Variants in SCHIP1 observed in about 807,000 individuals in gnomAD.
SCHIP1 encodes schwannomin interacting protein 1.
SCHIP1 carries 8 observed loss-of-function variants against 29.7 expected under a neutral mutation model. The observed-to-expected ratio is 0.27, with a 90% CI of 0.16 to 0.49. SCHIP1 has a LOEUF of 0.49. Ranked by LOEUF, SCHIP1 falls within the 20% of genes least tolerant of loss-of-function variation. The pLI, the probability that SCHIP1 is intolerant of heterozygous loss-of-function variation, is 0.99. For synonymous variants in SCHIP1, 76 were observed against 94.9 expected, an observed-to-expected ratio of 0.80 and a Z score of 1.16; for missense variants, 193 against 294.6, an observed-to-expected ratio of 0.66 and a Z score of 2.52.
the SCHIP1 span, among the ~76,000 whole-genome samples, chr3:159,426,260 G>C: frequency 3.3e-5 from 5 of 151,882 alleles, no homozygotes; most frequent in Non-Finnish European, 7.4e-5. Context: ...TTTTTTGAAA[G>C]GATCAACAAA....
At chr3:159,479,918 G>A in the SCHIP1 span, among the ~76,000 whole-genome samples, 1 of 152,194 alleles carries the variant, frequency 6.6e-6, no homozygotes, top group African/African-American at 2.4e-5. Context: ...CAGTAATGAA[G>A]ACGTTATTTC....
the SCHIP1 span, among the ~76,000 whole-genome samples, chr3:159,586,894 G>A: frequency 1.3e-5 from 2 of 152,170 alleles, no homozygotes. Context: ...TGGCAATTAG[G>A]AAATTTACTT....
chr3:159,414,023 A>G, the SCHIP1 span, among the ~76,000 whole-genome samples: 1 of 152,258 alleles, frequency 6.6e-6, no homozygotes, highest in Non-Finnish European at 1.5e-5. Flanking sequence ...CTGAAGAGCA[A>G]TCTTGGTCAG....
At chr3:159,771,794 A>G in the SCHIP1 span, among the ~76,000 whole-genome samples, 2 of 152,046 alleles carry the variant, frequency 1.3e-5, no homozygotes, top group African/African-American at 4.8e-5. Flanking sequence ...ATGTGTATAT[A>G]CAATTAAGTT....
chr3:159,758,049 C>T, the SCHIP1 span, among the ~76,000 whole-genome samples: 1 of 152,218 alleles, frequency 6.6e-6, no homozygotes, highest in Non-Finnish European at 1.5e-5. Flanking sequence ...TTCCCTGACC[C>T]TTGCAGTTGT....
the SCHIP1 span, among the ~76,000 whole-genome samples, chr3:159,806,812 T>C: frequency 2.2e-4 from 33 of 152,264 alleles, 1 homozygote; most frequent in African/African-American, 7.7e-4. Flanking sequence ...TCTTTTCCCC[T>C]TTTCACAGAG....
the SCHIP1 span, chr3:159,375,957 CT>C: frequency 6.4e-6 from 1 of 156,286 alleles, no homozygotes; most frequent in Non-Finnish European, 1.4e-5. Context: ...TGGAATGAAC[CT>C]TCTCCAAAAC....
the SCHIP1 span, among the ~76,000 whole-genome samples, chr3:159,695,348 C>T: frequency 6.6e-6 from 1 of 152,214 alleles, no homozygotes; most frequent in Non-Finnish European, 1.5e-5. Flanking sequence ...AGATCCTACC[C>T]TATGATTGAC....
chr3:159,889,035 T>A (rs1717231160), intron 5 of SCHIP1, 92 bp downstream of exon 6: 2 of 1,463,218 alleles, frequency 1.4e-6, no homozygotes, highest in Non-Finnish European at 1.8e-6. Context: ...CATACAACAT[T>A]TCATTGGGTT....
the SCHIP1 span, among the ~76,000 whole-genome samples, chr3:159,385,575 CAAAA>C: frequency 1.5e-5 from 2 of 133,150 alleles, no homozygotes; most frequent in African/African-American, 5.6e-5. Flanking sequence ...AACAAACAAA[CAAAA>C]AAAAAAAAAC....
At chr3:159,708,647 A>C in the SCHIP1 span, among the ~76,000 whole-genome samples, 4,453 of 152,314 alleles carry the variant, frequency 0.029, 101 homozygotes, top group East Asian at 0.061. Flanking sequence ...AGGTTTTATG[A>C]AACCTTCACA....
At chr3:159,346,068 C>A in the SCHIP1 span, among the ~76,000 whole-genome samples, 1 of 151,862 alleles carries the variant, frequency 6.6e-6, no homozygotes, top group East Asian at 1.9e-4. Flanking sequence ...GTGGCATGCA[C>A]CTGTAGTCCC....
At chr3:159,671,880 C>G in the SCHIP1 span, among the ~76,000 whole-genome samples, 1 of 152,098 alleles carries the variant, frequency 6.6e-6, no homozygotes, top group Non-Finnish European at 1.5e-5. Flanking sequence ...TGAATGAATC[C>G]CATTTTCCCA....
chr3:159,324,364 C>T, the SCHIP1 span, among the ~76,000 whole-genome samples: 1 of 152,208 alleles, frequency 6.6e-6, no homozygotes, highest in African/African-American at 2.4e-5. Flanking sequence ...AATTCCCATA[C>T]TCTTCTGGGG....
chr3:159,726,574 A>C, the SCHIP1 span, among the ~76,000 whole-genome samples: 4 of 152,180 alleles, frequency 2.6e-5, no homozygotes, highest in African/African-American at 9.7e-5. Flanking sequence ...AATCTAAAGC[A>C]AGCTGTCTTT....
chr3:159,622,447 A>G, the SCHIP1 span, among the ~76,000 whole-genome samples: 2 of 152,234 alleles, frequency 1.3e-5, no homozygotes, highest in Non-Finnish European at 2.9e-5. Context: ...CAGAAGCTGA[A>G]CATAGCTTTA....
the SCHIP1 span, among the ~76,000 whole-genome samples, chr3:159,584,767 G>A: frequency 0.2 from 31,046 of 151,978 alleles, 8,636 homozygotes; most frequent in African/African-American, 0.63. Flanking sequence ...CTGTGTTTCA[G>A]TAAGCCCTGA....
chr3:159,387,406 TG>T, the SCHIP1 span: 1 of 343,800 alleles, frequency 2.9e-6, no homozygotes, highest in Non-Finnish European at 5.8e-6. Context: ...AAGCCCAGCT[TG>T]GTGACTGGGA....
chr3:159,828,152 G>A, the SCHIP1 span, among the ~76,000 whole-genome samples: 1 of 151,046 alleles, frequency 6.6e-6, no homozygotes, highest in Non-Finnish European at 1.5e-5. Context: ...GAAAGTGGGC[G>A]GCAGGGGCAG....
Sources: gnomAD v4.1 joint callset for allele counts (sites outside exome capture counted in the v4.1 genomes callset) on GRCh38, gnomAD v4.1.1 for gene constraint, MANE v1.5 for transcripts, NCBI Gene and HGNC (gene_info 2026-07-23, HGNC 2026-07-21) for gene names.